The following ALG9 variants were observed in gnomAD, a reference collection of about 807,000 sequenced individuals.
ALG9 encodes ALG9 alpha-1,2-mannosyltransferase.
Under a neutral mutation model 81.8 loss-of-function variants are expected in ALG9, and 55 were observed. The observed-to-expected ratio is 0.67, with a 90% CI of 0.54 to 0.84. ALG9 has a LOEUF of 0.84. ALG9 is among the 40% of genes least tolerant of loss of function. The pLI, the probability that ALG9 is intolerant of heterozygous loss-of-function variation, is 0.00. For synonymous variants in ALG9, 278 were observed against 274.3 expected, an observed-to-expected ratio of 1.01 and a Z score of -0.13; for missense variants, 629 against 745.0, an observed-to-expected ratio of 0.84 and a Z score of 1.81.
chr11:111,870,429 CAGA>C, intron 1 of ALG9, 59 bp from the exon 2 acceptor site: 2 of 1,463,986 alleles, frequency 1.4e-6, no homozygotes, highest in Non-Finnish European at 1.8e-6. Context: ...ACCTGCTAAT[CAGA>C]AGACCTAAAT....
downstream of ALG9, among the ~76,000 whole-genome samples, chr11:111,777,662 A>T (rs1387472305): frequency 1.3e-5 from 2 of 152,190 alleles, no homozygotes; most frequent in Non-Finnish European, 2.9e-5. Flanking sequence ...TAAAAAAAAA[A>T]TGCAAGGAAA....
intron 4 of ALG9, among the ~76,000 whole-genome samples, chr11:111,862,534 G>T (rs1054967584): frequency 6.6e-6 from 1 of 151,216 alleles, no homozygotes; most frequent in East Asian, 1.9e-4. Context: ...GTGCCCAGCC[G>T]TGGCTTACAC....
intron 13 of ALG9, among the ~76,000 whole-genome samples, chr11:111,821,441 A>C (rs1035308528): frequency 6.6e-6 from 1 of 152,190 alleles, no homozygotes; most frequent in East Asian, 1.9e-4. Flanking sequence ...CTACCATGCC[A>C]GACTAGAGTC....
At chr11:111,839,873 T>C (rs1280243790) in intron 10 of ALG9, among the ~76,000 whole-genome samples, 1 of 152,128 alleles carries the variant, frequency 6.6e-6, no homozygotes, top group Non-Finnish European at 1.5e-5. Flanking sequence ...TTTCCATGTA[T>C]AGGAAATGTT....
Position 111,836,255 on chromosome 11 carries a change from C to T in ALG9, c.1512G>A (p.Gln504=), listed in dbSNP as rs781907541. 3 of 1,614,074 alleles carry T rather than the reference C, an allele frequency of 1.9e-6. No homozygotes were observed. Among genetic ancestry groups the T allele is most frequent in the Non-Finnish European group, 2.5e-6 (3 of 1,180,002 alleles). ...LQFIPSEFRG[Q]LPKPFAEGPL... Reference sequence around the variant, plus strand: ...GTCCTTCTGCAAAAGGTTTTGGTAACTGACCTCTGAACTCTGATGGAATGA... The same window carrying T: ...GTCCTTCTGCAAAAGGTTTTGGTAATTGACCTCTGAACTCTGATGGAATGA... The change falls in exon 13 of 15, where the codon CAG becomes CAA. Residue 504 remains glutamine (Q), a synonymous_variant. Coordinates refer to ENST00000616540, the MANE Select transcript of ALG9 (RefSeq NM_024740.2).
At chr11:111,804,132 C>CAAAAAAAAAA in intron 14 of ALG9, among the ~76,000 whole-genome samples, 1 of 85,372 alleles carries the variant, frequency 1.2e-5, no homozygotes, top group Non-Finnish European at 2.3e-5. Context: ...GACTCCATCT[C>CAAAAAAAAAA]AAAAAAAAAA....
intron 14 of ALG9, among the ~76,000 whole-genome samples, chr11:111,801,677 ACTT>A (rs1377140092): frequency 1.3e-4 from 20 of 152,188 alleles, no homozygotes; most frequent in Non-Finnish European, 1.5e-5. Context: ...TCTTCACTAT[ACTT>A]TACACATGAA....
At chr11:111,838,702 A>G (rs2136850003) in intron 10 of ALG9, among the ~76,000 whole-genome samples, 1 of 152,278 alleles carries the variant, frequency 6.6e-6, no homozygotes, top group East Asian at 1.9e-4. Context: ...CTTTTTTGGT[A>G]GTTTTGATAT....
chr11:111,822,293 C>T (rs1952535846), intron 13 of ALG9, among the ~76,000 whole-genome samples: 1 of 150,058 alleles, frequency 6.7e-6, no homozygotes, highest in Non-Finnish European at 1.5e-5. Context: ...CCTGTAGTTC[C>T]AGCTACTCGA....
chr11:111,792,408 G>A (rs1204570487), intron 14 of ALG9, among the ~76,000 whole-genome samples: 2 of 152,192 alleles, frequency 1.3e-5, no homozygotes, highest in African/African-American at 2.4e-5. Flanking sequence ...ACACATATGA[G>A]ATATGAGTTT....
intron 13 of ALG9, among the ~76,000 whole-genome samples, chr11:111,826,215 G>A (rs894447762): frequency 1.3e-5 from 2 of 151,158 alleles, no homozygotes; most frequent in Non-Finnish European, 2.9e-5. Context: ...GCCAGACCCT[G>A]TCTCTACAAA....
chr11:111,815,944 T>C (rs1555096674), intron 13 of ALG9, among the ~76,000 whole-genome samples: 1 of 152,208 alleles, frequency 6.6e-6, no homozygotes, highest in Admixed American at 6.5e-5. Context: ...GTGTCTATTA[T>C]CAATTCAAGT....
rs1281573149 is a variant in ALG9, at chr11:111,871,257, G to A, written c.131+95C>T. On this transcript the variant is annotated intron_variant, in intron 1 of 14. Coordinates refer to ENST00000616540, the MANE Select transcript of ALG9 (RefSeq NM_024740.2). ...GGGCCTCCCGCGGTGAGGCCAGGCCGGACTGAGCCCCGCGCGCCACAGCTA... is the reference window on the plus strand; with the variant it reads ...GGGCCTCCCGCGGTGAGGCCAGGCCAGACTGAGCCCCGCGCGCCACAGCTA... The A allele has an allele frequency of 4.5e-6, 6 of 1,330,702 alleles. No homozygotes were observed. In the African/African-American group the frequency reaches 7.8e-5, roughly 17 times the overall value. 82.4% of individuals were successfully genotyped at this position (1,330,702 alleles called of 1,614,324 possible).
At chr11:111,815,006 A>T (rs1368194232) in intron 13 of ALG9, among the ~76,000 whole-genome samples, 1 of 152,080 alleles carries the variant, frequency 6.6e-6, no homozygotes, top group Non-Finnish European at 1.5e-5. Flanking sequence ...TTAATACTTG[A>T]CCTCAACGTG....
chr11:111,849,140 T>A (rs567565618), intron 8 of ALG9, among the ~76,000 whole-genome samples: 1 of 152,174 alleles, frequency 6.6e-6, no homozygotes, highest in African/African-American at 2.4e-5. Context: ...AAGCTCTGCC[T>A]CCCGAGTTCA....
intron 14 of ALG9, among the ~76,000 whole-genome samples, chr11:111,792,277 C>T (rs1947558704): frequency 6.7e-6 from 1 of 149,604 alleles, no homozygotes; most frequent in Non-Finnish European, 1.5e-5. Context: ...ATTCTAGGGG[C>T]CATGTCTGTT....
chr11:111,812,723 C>T (rs1555092673), intron 13 of ALG9, among the ~76,000 whole-genome samples: 1 of 151,758 alleles, frequency 6.6e-6, no homozygotes, highest in South Asian at 2.1e-4. Context: ...TTGAGACCAG[C>T]CTGGCCAACA....
chr11:111,843,470 G>C (rs1592229630), intron 9 of ALG9, among the ~76,000 whole-genome samples: 1 of 152,100 alleles, frequency 6.6e-6, no homozygotes, highest in Non-Finnish European at 1.5e-5. Flanking sequence ...TGAAACAAAA[G>C]TCCTAACACC....
At chr11:111,852,535 A>T (rs578087482) in intron 8 of ALG9, among the ~76,000 whole-genome samples, 18 of 152,198 alleles carry the variant, frequency 1.2e-4, no homozygotes. Context: ...CCCAGCCCCA[A>T]TCGCTGTAAC....
Sources: allele counts gnomAD v4.1 joint callset (sites outside exome capture counted in the v4.1 genomes callset), GRCh38; gene constraint gnomAD v4.1.1; transcripts MANE v1.5; gene names NCBI Gene and HGNC (gene_info 2026-07-23, HGNC 2026-07-21).